The following EGFL7 variants were observed in gnomAD, a reference collection of about 807,000 sequenced individuals.
The protein encoded by EGFL7 is EGF like domain multiple 7, also known as epidermal growth factor-like protein 7.
In EGFL7, 48 loss-of-function variants were observed where a neutral mutation model predicts 37.1. That is an observed-to-expected ratio of 1.29 (90% CI 1.03 to 1.65). EGFL7 has a LOEUF of 1.65. Among genes scored for constraint, EGFL7 ranks in the 40% most tolerant of loss-of-function variants. The pLI, the probability that EGFL7 is intolerant of heterozygous loss-of-function variation, is 0.00. For synonymous variants in EGFL7, 180 were observed against 156.8 expected, an observed-to-expected ratio of 1.15 and a Z score of -1.10; for missense variants, 384 against 378.9, an observed-to-expected ratio of 1.01 and a Z score of -0.11.
chr9:136,665,066 A>G (rs1845375065), intron 3 of EGFL7, among the ~76,000 whole-genome samples: 2 of 152,198 alleles, frequency 1.3e-5, no homozygotes, highest in South Asian at 4.1e-4. Context: ...TGGTGTGAGG[A>G]GACTCTCTGG....
chr9:136,666,179 C>T lies in EGFL7; in HGVS notation c.-43+1394C>T, dbSNP rs550565376. Among the ~76,000 whole-genome samples, 1 of 150,784 alleles carries T rather than the reference C, an allele frequency of 6.6e-6. No homozygotes were observed. The highest frequency in any genetic ancestry group is 1.9e-4 in the East Asian group (1 of 5,144). ...CCTGTGCCGCCTGCTCCGCCCCCCG[C>T]GAACCCCGGAGCCAGCAGCGCGGCT... On this transcript the variant is annotated intron_variant, in intron 3 of 10. Transcript: ENST00000308874. This position sits in a 1 kb window ranked among gnomAD's most constrained non-coding sequence, Gnocchi z 6.8.
At chr9:136,664,288 C>T (rs1419093460) in intron 2 of EGFL7, among the ~76,000 whole-genome samples, 1 of 152,202 alleles carries the variant, frequency 6.6e-6, no homozygotes, top group Non-Finnish European at 1.5e-5. Context: ...GGGGACTCCT[C>T]TCCAGGGACC....
rs1164709283 is a variant in EGFL7, at chr9:136,666,268, G to A, written c.-43+1483G>A. On this transcript the variant is annotated intron_variant, in intron 3 of 10. Transcript: ENST00000308874. The surrounding 1 kb of genome is among the most constrained non-coding windows in gnomAD (Gnocchi z 6.8). ...TGCGCCCTCCCTCGTGGGCCCCGCG[G>A]TCCCCAGCCCTGCTCCCGCCGCGAG... Among the ~76,000 whole-genome samples, 7 of 151,754 alleles carry A rather than the reference G, an allele frequency of 4.6e-5. No homozygotes were observed. In the South Asian group the frequency reaches 1.4e-3, roughly 31 times the overall value.
intron 7 of EGFL7, 23 bp from the exon 8 acceptor site, chr9:136,670,146 G>C: frequency 6.2e-7 from 1 of 1,612,568 alleles, no homozygotes; most frequent in Non-Finnish European, 8.5e-7. Flanking sequence ...AGGCATGGCC[G>C]CCTGACACCC....
intron 10 of EGFL7, 72 bp from the exon 11 acceptor site, chr9:136,672,192 C>T: frequency 6.2e-7 from 1 of 1,610,564 alleles, no homozygotes; most frequent in Non-Finnish European, 8.5e-7. Context: ...GGCCAAGGGG[C>T]CAGTCAGATC....
At chr9:136,660,099 C>A (rs549790403), upstream of EGFL7, among the ~76,000 whole-genome samples, 14 of 152,146 alleles carry the variant, frequency 9.2e-5, no homozygotes, top group African/African-American at 3.4e-4. Context: ...CTCCAAGGAC[C>A]GGAGGGTGAG....
intron 3 of EGFL7, among the ~76,000 whole-genome samples, chr9:136,667,081 C>T (rs1845526426): frequency 6.6e-6 from 1 of 152,198 alleles, no homozygotes. Context: ...TGGCAGTGCC[C>T]GTGGGAAGCA....
chr9:136,670,028 T>TG lies in EGFL7; in HGVS notation c.409+25dup. ...CAGTCAGGTGAGGCTGGCTCTACCCTGGGGGGCCCTGGAAGGGTCCTGGGC... is the reference window on the plus strand; with the variant it reads ...CAGTCAGGTGAGGCTGGCTCTACCCTGGGGGGGCCCTGGAAGGGTCCTGGGC... On this transcript the variant is annotated intron_variant, in intron 7 of 10. Coordinates refer to ENST00000308874, the MANE Select transcript of EGFL7 (RefSeq NM_016215.5). 2 of 1,586,420 alleles carry TG rather than the reference T, an allele frequency of 1.3e-6. No homozygotes were observed. Among genetic ancestry groups the TG allele is most frequent in the South Asian group, 1.1e-5 (1 of 88,040 alleles).
Position 136,670,289 on chromosome 9 carries a change from TGCCC to T in EGFL7, c.531_534del (p.Pro178ArgfsTer18). The T allele has an allele frequency of 4.4e-6, 7 of 1,604,376 alleles. No homozygotes were observed. Among genetic ancestry groups the T allele is most frequent in the Middle Eastern group, 1.7e-4 (1 of 5,952 alleles). On this transcript the variant is annotated frameshift_variant, in exon 8 of 11. Transcript: ENST00000308874. LOFTEE classifies it high-confidence loss of function. ...CTGTCTGCAGACGGTACACTCTGTGTGCCCAAGGGAGGGCCCCCCAGGGTGGCCC... is the reference window on the plus strand; with the variant it reads ...CTGTCTGCAGACGGTACACTCTGTGTAAGGGAGGGCCCCCCAGGGTGGCCC...
At chr9:136,669,765 G>C in intron 6 of EGFL7, 44 bp downstream of exon 6, 1 of 1,492,994 alleles carries the variant, frequency 6.7e-7, no homozygotes. Flanking sequence ...GAGGGCGACT[G>C]TTCCCCAATC....
At chr9:136,669,171 G>A (rs906959192) in intron 5 of EGFL7, among the ~76,000 whole-genome samples, 13 of 152,336 alleles carry the variant, frequency 8.5e-5, no homozygotes, top group African/African-American at 2.4e-4. Flanking sequence ...CCTCCTTCCT[G>A]GGTGTGGGAG....
intron 3 of EGFL7, among the ~76,000 whole-genome samples, chr9:136,665,486 G>C (rs1195717711): frequency 6.6e-6 from 1 of 152,214 alleles, no homozygotes; most frequent in Non-Finnish European, 1.5e-5. Context: ...GCCTCTCCTG[G>C]CTCCTGGCGG....
rs1845934026 is a variant in EGFL7 at position 136,671,911 on chromosome 9, C to G, written c.637-15C>G. On this transcript the variant is annotated splice_polypyrimidine_tract_variant and intron_variant, in intron 9 of 10. Transcript: ENST00000308874. ...CGGGGGCCGGCCCAGGGTCACTGCC[C>G]TTCTGCACCCACAGAAGCTGCAGCT... The G allele has an allele frequency of 2.0e-6, 3 of 1,489,846 alleles. No individual in the cohort carries two copies. The highest frequency in any genetic ancestry group is 1.4e-5 in the African/African-American group (1 of 71,878). 92.3% of individuals were successfully genotyped at this position (1,489,846 alleles called of 1,614,324 possible).
intron 3 of EGFL7, among the ~76,000 whole-genome samples, chr9:136,667,072 G>C (rs1389171677): frequency 6.6e-6 from 1 of 152,224 alleles, no homozygotes; most frequent in Non-Finnish European, 1.5e-5. Flanking sequence ...GTGATGCCTT[G>C]GCAGTGCCCG....
chr9:136,663,268 A>C (rs910120562), intron 1 of EGFL7, 140 bp from the exon 2 acceptor site: 19 of 152,280 alleles, frequency 1.2e-4, no homozygotes, highest in African/African-American at 4.3e-4. Flanking sequence ...TGCACAGAGG[A>C]GGCCACTGAG....
At chr9:136,669,577 C>T (rs1358623333) in intron 5 of EGFL7, 29 bp from the exon 6 acceptor site, 5 of 1,543,456 alleles carry the variant, frequency 3.2e-6, no homozygotes, top group Admixed American at 1.7e-5. Context: ...AGTAGGATGC[C>T]CCTCTGAGCT....
intron 10 of EGFL7, 36 bp from the exon 11 acceptor site, chr9:136,672,228 G>A (rs752089144): frequency 2.4e-5 from 39 of 1,613,142 alleles, no homozygotes; most frequent in Middle Eastern, 3.3e-4. Flanking sequence ...GCTGTGGGGA[G>A]CAGTGATCTC....
intron 2 of EGFL7, among the ~76,000 whole-genome samples, chr9:136,664,435 C>T (rs949557872): frequency 6.6e-6 from 1 of 152,132 alleles, no homozygotes; most frequent in African/African-American, 2.4e-5. Flanking sequence ...CAGCAGCCTC[C>T]CATCCCCATG....
chr9:136,668,613 A>G lies in EGFL7; in HGVS notation c.137A>G (p.Gln46Arg). 3.1e-6 allele frequency: 5 copies of G among 1,608,038 alleles called. No homozygotes were observed. The highest frequency in any genetic ancestry group is 4.2e-6 in the Non-Finnish European group (5 of 1,179,764). ...GACCCTGTCTCCGAGTCGTTCGTGCAGCGTGTGTACCAGCCCTTCCTCACC... is the reference window on the plus strand; with the variant it reads ...GACCCTGTCTCCGAGTCGTTCGTGCGGCGTGTGTACCAGCCCTTCCTCACC... ...HGDPVSESFV[Q>R]RVYQPFLTTC... The change falls in exon 5 of 11, where the codon CAG becomes CGG. Residue 46 changes from glutamine to arginine, a missense_variant. Gln to Arg is a conservative substitution (Grantham distance 43). Coordinates refer to ENST00000308874, the MANE Select transcript of EGFL7 (RefSeq NM_016215.5).
Sources: allele counts gnomAD v4.1 joint callset (sites outside exome capture counted in the v4.1 genomes callset), GRCh38; gene constraint gnomAD v4.1.1; non-coding constraint Gnocchi (gnomAD v3.1); transcripts MANE v1.5; gene names NCBI Gene and HGNC (gene_info 2026-07-23, HGNC 2026-07-21).